The following ELAPOR1 variants were observed in gnomAD, a reference collection of about 807,000 sequenced individuals.
ELAPOR1 encodes endosome/lysosome-associated apoptosis and autophagy regulator 1.
A neutral mutation model predicts 119.7 loss-of-function variants in ELAPOR1; 77 were observed. That is an observed-to-expected ratio of 0.64 (90% CI 0.54 to 0.78). The LOEUF is 0.78. ELAPOR1 is among the 30% of genes least tolerant of loss of function. The pLI is 0.00. For synonymous variants in ELAPOR1, 481 were observed against 487.2 expected (o/e 0.99, Z 0.17); for missense variants, 1,115 against 1,270.4 (o/e 0.88, Z 1.86).
At chr1:109,132,566 G>C (rs764099987) in intron 1 of ELAPOR1, among the ~76,000 whole-genome samples, 1 of 152,184 alleles carries the variant, frequency 6.6e-6, no homozygotes, top group Non-Finnish European at 1.5e-5. Context: ...GGTGCAATGA[G>C]AGCACATATT....
In ELAPOR1 at chr1:109,198,554, G is replaced by A. The variant is rs200285918; in HGVS notation, c.2400-19G>A. The A allele has an allele frequency of 3.2e-5, 51 of 1,605,972 alleles. No individual in the cohort carries two copies. The African/African-American group carries it at 6.5e-4, about 21-fold the overall frequency. ...AGCTGAGTGACTCATTCCCTCATGGGGGCTGGCTTTCTCTGCAGGTCCAAT... is the reference window on the plus strand; with the variant it reads ...AGCTGAGTGACTCATTCCCTCATGGAGGCTGGCTTTCTCTGCAGGTCCAAT... On this transcript the variant is annotated intron_variant, in intron 17 of 21. Transcript: ENST00000369939.
At chr1:109,130,914 G>T (rs1649116180) in intron 1 of ELAPOR1, among the ~76,000 whole-genome samples, 1 of 152,138 alleles carries the variant, frequency 6.6e-6, no homozygotes, top group South Asian at 2.1e-4. Context: ...GAGGCAGGAG[G>T]ATCACTTGTG....
Position 109,166,096 on chromosome 1 carries a change from T to C in ELAPOR1, c.467+1405T>C, listed in dbSNP as rs1651583914. Among the ~76,000 whole-genome samples, 5 of 152,212 alleles carry C rather than the reference T, an allele frequency of 3.3e-5. No homozygotes were observed. In the South Asian group the frequency reaches 1.0e-3, roughly 32 times the overall value. On this transcript the variant is annotated intron_variant, in intron 3 of 21. Transcript: ENST00000369939. ...ACGCCCAGCTAATTTTTTGTATTTT[T>C]AGTAGAGATGGGGTTTCACCGTGTT...
chr1:109,187,794 CCA>C, intron 8 of ELAPOR1: 2 of 865,076 alleles, frequency 2.3e-6, no homozygotes, highest in Non-Finnish European at 2.9e-6. Flanking sequence ...TGAGCCACCT[CCA>C]CCCTTGTGCC....
chr1:109,196,829 T>C (rs1009794014), intron 15 of ELAPOR1, among the ~76,000 whole-genome samples: 1 of 152,088 alleles, frequency 6.6e-6, no homozygotes, highest in African/African-American at 2.4e-5. Context: ...ACTACAGGCA[T>C]GCGCCAGCAC....
At chr1:109,126,994 A>G (rs1203296242) in intron 1 of ELAPOR1, among the ~76,000 whole-genome samples, 1 of 152,050 alleles carries the variant, frequency 6.6e-6, no homozygotes, top group Non-Finnish European at 1.5e-5. Context: ...TTTTTTGAAA[A>G]CAAGTCAAAC....
At position 109,199,998 on chromosome 1, in the gene ELAPOR1, C is replaced by G. The variant is rs545471967; in HGVS notation, c.2628+18C>G. ...GGATCCAGGTGGGTTTCCCTCTGATCGGGCACTTCCATGAGAGAAGGGAAT... is the reference window on the plus strand; with the variant it reads ...GGATCCAGGTGGGTTTCCCTCTGATGGGGCACTTCCATGAGAGAAGGGAAT... On this transcript the variant is annotated intron_variant, in intron 19 of 21. Transcript: ENST00000369939. The G allele has an allele frequency of 1.2e-6, 2 of 1,613,754 alleles. No individual in the cohort carries two copies. The highest frequency in any genetic ancestry group is 1.3e-5 in the African/African-American group (1 of 74,916).
At chr1:109,180,785 C>A (rs368940251) in intron 7 of ELAPOR1, among the ~76,000 whole-genome samples, 1 of 152,088 alleles carries the variant, frequency 6.6e-6, no homozygotes, top group East Asian at 1.9e-4. Flanking sequence ...GGTAATAGAA[C>A]AAGACTCCTG....
chr1:109,131,060 C>A (rs1022960715), intron 1 of ELAPOR1, among the ~76,000 whole-genome samples: 1 of 152,198 alleles, frequency 6.6e-6, no homozygotes, highest in African/African-American at 2.4e-5. Flanking sequence ...GGCTCAGAGT[C>A]TCTTAGGAGG....
intron 1 of ELAPOR1, among the ~76,000 whole-genome samples, chr1:109,145,686 C>T (rs1052007282): frequency 3.3e-5 from 5 of 151,846 alleles, no homozygotes; most frequent in African/African-American, 1.2e-4. Context: ...ATTTAAAACT[C>T]GGTGGCTAGG....
intron 1 of ELAPOR1, among the ~76,000 whole-genome samples, chr1:109,140,500 G>A (rs1649762005): frequency 6.6e-6 from 1 of 152,188 alleles, no homozygotes; most frequent in Non-Finnish European, 1.5e-5. Flanking sequence ...AGATCACTCT[G>A]GCTATAGCCT....
chr1:109,165,080 C>T (rs984769589), intron 3 of ELAPOR1, among the ~76,000 whole-genome samples: 1 of 152,068 alleles, frequency 6.6e-6, no homozygotes, highest in African/African-American at 2.4e-5. Context: ...TGCCTGAGGC[C>T]AAGAGTTTGA....
At chr1:109,174,565 T>TG (rs1244465991) in intron 7 of ELAPOR1, among the ~76,000 whole-genome samples, 1 of 141,986 alleles carries the variant, frequency 7.0e-6, no homozygotes, top group Admixed American at 7.1e-5. Flanking sequence ...CATTCGGGGG[T>TG]GGGGGGAAGA....
chr1:109,174,990 T>C (rs1357867171), intron 7 of ELAPOR1, among the ~76,000 whole-genome samples: 2 of 151,222 alleles, frequency 1.3e-5, no homozygotes, highest in South Asian at 2.1e-4. Context: ...GCTGGGATTA[T>C]AGGCATGAGC....
intron 1 of ELAPOR1, among the ~76,000 whole-genome samples, chr1:109,144,731 A>G (rs1650073046): frequency 6.6e-6 from 1 of 152,150 alleles, no homozygotes; most frequent in South Asian, 2.1e-4. Flanking sequence ...AACAAGAGCC[A>G]AACTCCATCT....
At chr1:109,165,549 A>C (rs1452419629) in intron 3 of ELAPOR1, among the ~76,000 whole-genome samples, 1 of 150,524 alleles carries the variant, frequency 6.6e-6, no homozygotes, top group African/African-American at 2.4e-5. Flanking sequence ...GCACCATTGC[A>C]CTCCAGCCTG....
chr1:109,171,498 G>A (rs992238644), intron 3 of ELAPOR1, among the ~76,000 whole-genome samples: 1 of 151,984 alleles, frequency 6.6e-6, no homozygotes, highest in Non-Finnish European at 1.5e-5. Context: ...GTTGTGGTGA[G>A]CCGAGGCCAC....
At chr1:109,166,191 A>G (rs1651590402) in intron 3 of ELAPOR1, among the ~76,000 whole-genome samples, 1 of 151,994 alleles carries the variant, frequency 6.6e-6, no homozygotes, top group Admixed American at 6.6e-5. Flanking sequence ...CTGGGATTAC[A>G]GCGTGAGCCA....
intron 1 of ELAPOR1, among the ~76,000 whole-genome samples, chr1:109,138,834 C>CAAAA (rs150398954): frequency 2.8e-5 from 3 of 107,330 alleles, no homozygotes; most frequent in African/African-American, 1.1e-4. Context: ...AACTCCATCT[C>CAAAA]AAAAAAAAAA....
Sources: gnomAD v4.1 joint callset for allele counts (sites outside exome capture counted in the v4.1 genomes callset) on GRCh38, gnomAD v4.1.1 for gene constraint, MANE v1.5 for transcripts, NCBI Gene and HGNC (gene_info 2026-07-23, HGNC 2026-07-21) for gene names.